The following TRPM3 variants were observed in gnomAD, a reference collection of about 807,000 sequenced individuals.
TRPM3 encodes transient receptor potential cation channel subfamily M member 3, also known as long transient receptor potential channel 3.
TRPM3 carries 77 observed loss-of-function variants against 181.2 expected under a neutral mutation model. That is an observed-to-expected ratio of 0.42 (90% CI 0.35 to 0.51). The LOEUF is 0.51. Among genes scored for constraint, TRPM3 ranks in the 20% least tolerant of loss-of-function variants. The probability of loss-of-function intolerance (pLI) is 0.01; values close to 1 mark genes in which losing one functional copy is unlikely to be tolerated. For missense variants in TRPM3, 1,759 were observed against 2,196.7 expected (o/e 0.80, Z 3.98); for synonymous variants, 745 against 796.4 (o/e 0.94, Z 1.09).
At chr9:70,990,123 G>T (rs138617204) in intron 1 of TRPM3, among the ~76,000 whole-genome samples, 2 of 152,066 alleles carry the variant, frequency 1.3e-5, no homozygotes, top group African/African-American at 4.8e-5. Context: ...TAGAAATTCC[G>T]GCTTTCAAGC....
chr9:71,185,454 T>C (rs1483747063), intron 1 of TRPM3, among the ~76,000 whole-genome samples: 1 of 152,090 alleles, frequency 6.6e-6, no homozygotes, highest in South Asian at 2.1e-4. Flanking sequence ...CAAAGAAGCT[T>C]ACTTTGGAAG....
intron 25 of TRPM3, among the ~76,000 whole-genome samples, chr9:70,541,753 C>T (rs184774647): frequency 0.022 from 3,362 of 152,190 alleles, 63 homozygotes; most frequent in Middle Eastern, 0.037. Flanking sequence ...TCAGGTGATC[C>T]GCCTGCCTCA....
chr9:70,759,036 G>T (rs1353106658), intron 8 of TRPM3, among the ~76,000 whole-genome samples: 2 of 152,124 alleles, frequency 1.3e-5, no homozygotes, highest in Non-Finnish European at 2.9e-5. Context: ...TCATCAGAAT[G>T]AACAGACAAC....
intron 1 of TRPM3, among the ~76,000 whole-genome samples, chr9:71,212,669 A>G (rs940853239): frequency 6.6e-6 from 1 of 152,206 alleles, no homozygotes; most frequent in African/African-American, 2.4e-5. Context: ...CACTTTCAAG[A>G]TAAAACTTTG....
intron 1 of TRPM3, among the ~76,000 whole-genome samples, chr9:71,070,344 A>G (rs1474247574): frequency 6.6e-6 from 1 of 152,248 alleles, no homozygotes. Context: ...AAATTCAGCT[A>G]TACAGCTCTC....
chr9:70,751,501 C>CA, intron 8 of TRPM3, among the ~76,000 whole-genome samples: 1 of 151,922 alleles, frequency 6.6e-6, no homozygotes, highest in Admixed American at 6.6e-5. Context: ...ATTACTTCTT[C>CA]AAAAAATGAC....
At chr9:71,274,800 T>C (rs1423873629) in intron 1 of TRPM3, among the ~76,000 whole-genome samples, 1 of 152,250 alleles carries the variant, frequency 6.6e-6, no homozygotes, top group African/African-American at 2.4e-5. Flanking sequence ...TAGCTTCTAG[T>C]ATGTTTTGTG....
intron 3 of TRPM3, among the ~76,000 whole-genome samples, chr9:70,851,790 A>G (rs770170828): frequency 1.7e-4 from 26 of 152,034 alleles, no homozygotes; most frequent in Non-Finnish European, 3.7e-4. Flanking sequence ...ATCTCTTCAC[A>G]TTTTTCTCTC....
chr9:70,862,833 T>G, intron 3 of TRPM3, 75 bp downstream of exon 3: 1 of 1,476,976 alleles, frequency 6.8e-7, no homozygotes, highest in Non-Finnish European at 9.4e-7. Flanking sequence ...CTAAATTTCA[T>G]GCTCTTAACC....
intron 1 of TRPM3, among the ~76,000 whole-genome samples, chr9:70,867,158 CTA>C (rs1290670727): frequency 6.6e-6 from 1 of 152,020 alleles, no homozygotes; most frequent in Non-Finnish European, 1.5e-5. Context: ...GAATACTCTG[CTA>C]TGTCTTCTTC....
intron 1 of TRPM3, among the ~76,000 whole-genome samples, chr9:71,386,459 A>G (rs989206202): frequency 1.3e-5 from 2 of 152,036 alleles, no homozygotes; most frequent in African/African-American, 4.8e-5. Context: ...TGAAAAAAAA[A>G]AAAAGATAGC....
intron 24 of TRPM3, among the ~76,000 whole-genome samples, chr9:70,552,324 C>CT (rs1331981903): frequency 2.0e-5 from 3 of 152,142 alleles, no homozygotes; most frequent in African/African-American, 7.2e-5. Context: ...AAACACTGGG[C>CT]TGGAAGGTGG....
At chr9:70,807,542 A>G (rs1464719528) in intron 6 of TRPM3, among the ~76,000 whole-genome samples, 1 of 152,150 alleles carries the variant, frequency 6.6e-6, no homozygotes, top group Admixed American at 6.5e-5. Flanking sequence ...TGAAAATCAG[A>G]GCTAAAAATA....
chr9:71,257,088 T>A (rs1004677012), intron 1 of TRPM3, among the ~76,000 whole-genome samples: 7 of 152,200 alleles, frequency 4.6e-5, no homozygotes, highest in African/African-American at 1.4e-4. Flanking sequence ...CTGGGAAATA[T>A]CTAGTCACAT....
chr9:70,564,811 A>G (rs1030094390), intron 22 of TRPM3, among the ~76,000 whole-genome samples: 8 of 152,330 alleles, frequency 5.3e-5, no homozygotes, highest in East Asian at 1.9e-4. Context: ...GAAATGATCA[A>G]TGTGGCTCCT....
intron 9 of TRPM3, among the ~76,000 whole-genome samples, chr9:70,662,665 G>T (rs1564751725): frequency 6.6e-6 from 1 of 152,110 alleles, no homozygotes; most frequent in South Asian, 2.1e-4. Flanking sequence ...AATTCTCATG[G>T]AAATGCAAAT....
chr9:71,342,270 A>ATC (rs397829323), intron 1 of TRPM3, among the ~76,000 whole-genome samples: 1 of 140,924 alleles, frequency 7.1e-6, no homozygotes, highest in Admixed American at 7.2e-5. Context: ...ATATATATAT[A>ATC]AATAAATATA....
intron 1 of TRPM3, among the ~76,000 whole-genome samples, chr9:71,320,030 T>C (rs1471481907): frequency 6.6e-6 from 1 of 152,084 alleles, no homozygotes; most frequent in Non-Finnish European, 1.5e-5. Flanking sequence ...AAAAAAGCTT[T>C]TGGAAGAAGA....
At chr9:70,768,530 T>C (rs2079571330) in intron 7 of TRPM3, among the ~76,000 whole-genome samples, 1 of 151,796 alleles carries the variant, frequency 6.6e-6, no homozygotes, top group Non-Finnish European at 1.5e-5. Context: ...CACTTTGGGG[T>C]CTGTTTGGAG....
Sources: allele counts gnomAD v4.1 joint callset (sites outside exome capture counted in the v4.1 genomes callset), GRCh38; gene constraint gnomAD v4.1.1; transcripts MANE v1.5; gene names NCBI Gene and HGNC (gene_info 2026-07-23, HGNC 2026-07-21).